Variants in OTC observed in about 807,000 individuals in gnomAD.
OTC encodes ornithine transcarbamylase, mitochondrial.
OTC carries 3 observed loss-of-function variants against 30.3 expected under a neutral mutation model. That is an observed-to-expected ratio of 0.10 (90% CI 0.05 to 0.26). OTC has a LOEUF of 0.26. Ranked by LOEUF, OTC falls within the 10% of genes least tolerant of loss-of-function variation. The pLI, the probability that OTC is intolerant of heterozygous loss-of-function variation, is 1.00. For synonymous variants in OTC, 111 were observed against 99.7 expected, an observed-to-expected ratio of 1.11 and a Z score of -0.67; for missense variants, 194 against 260.3, an observed-to-expected ratio of 0.75 and a Z score of 1.75.
Position 38,369,870 on chromosome X carries a change from A to G in OTC, c.291A>G (p.Thr97=). Residue 97 remains threonine (T), a synonymous_variant, in exon 3 of 10, where the codon ACA becomes ACG. Transcript: ENST00000039007. ...EKRSTRTRLS[T]ETGFALLGGH... ...GAAGTACTCGAACAAGATTGTCTACAGAAACAGGTAAGTCCACTGCCAAAT... is the reference window on the plus strand; with the variant it reads ...GAAGTACTCGAACAAGATTGTCTACGGAAACAGGTAAGTCCACTGCCAAAT... The G allele has an allele frequency of 8.5e-7, 1 of 1,182,662 alleles. No homozygotes were observed. The highest frequency in any genetic ancestry group is 1.2e-6 in the Non-Finnish European group (1 of 868,926).
chrX:38,368,661 G>A (rs1469585570), intron 2 of OTC, among the ~76,000 whole-genome samples: 2 of 102,525 alleles, frequency 2.0e-5, no homozygotes, highest in East Asian at 6.1e-4. Context: ...AGCTTGTTCA[G>A]CCTTTTTAAA....
intron 4 of OTC, among the ~76,000 whole-genome samples, chrX:38,391,451 A>G (rs780212273): frequency 3.6e-5 from 4 of 111,451 alleles, no homozygotes; most frequent in South Asian, 3.8e-4. Context: ...TCTGATATCT[A>G]TGTAGTCTGA....
rs766735977 is a variant in OTC, at chrX:38,401,337, C to T, written c.449C>T (p.Thr150Ile). ...ARVYKQSDLD[T>I]LAKEASIPII... is the part of the protein sequence containing the mutation. ...GTGTATAAACAATCAGATTTGGACA[C>T]CCTGGCTAAAGAAGCATCCATCCCA... The change falls in exon 5 of 10, where the codon ACC becomes ATC. Residue 150 changes from threonine to isoleucine, a missense_variant. Coordinates refer to ENST00000039007, the MANE Select transcript of OTC (RefSeq NM_000531.6). The T allele has an allele frequency of 8.0e-5, 96 of 1,195,319 alleles. No individual in the cohort carries two copies. The highest frequency in any genetic ancestry group is 3.1e-5 in the Non-Finnish European group (27 of 882,127).
At chrX:38,409,084 C>G in intron 8 of OTC, 59 bp downstream of exon 8, 3 of 1,110,696 alleles carry the variant, frequency 2.7e-6, no homozygotes, top group Non-Finnish European at 3.7e-6. Flanking sequence ...CCAGAACCAT[C>G]TAATCACTTA....
chrX:38,359,420 CT>C (rs762895585), intron 1 of OTC, among the ~76,000 whole-genome samples: 79 of 102,093 alleles, frequency 7.7e-4, no homozygotes, highest in Admixed American at 1.4e-3. Flanking sequence ...TAAATTTTGT[CT>C]TTTTTTTTTT....
chrX:38,355,170 G>A (rs935619785), intron 1 of OTC, among the ~76,000 whole-genome samples: 2 of 111,716 alleles, frequency 1.8e-5, no homozygotes, highest in Non-Finnish European at 3.8e-5. Flanking sequence ...TAGCTTAAGT[G>A]AGGCTGAAGC....
intron 3 of OTC, among the ~76,000 whole-genome samples, chrX:38,380,420 C>A (rs1468950535): frequency 1.8e-5 from 2 of 111,951 alleles, no homozygotes; most frequent in Non-Finnish European, 3.8e-5. Flanking sequence ...CTCTATCTTG[C>A]AATTATGTGT....
chrX:38,362,246 T>A (rs992919913), intron 1 of OTC, among the ~76,000 whole-genome samples: 4 of 111,790 alleles, frequency 3.6e-5, no homozygotes, highest in South Asian at 7.4e-4. Context: ...TATGGTGTCG[T>A]GCAGTTCAAA....
At chrX:38,397,906 G>A (rs1410957062) in intron 4 of OTC, among the ~76,000 whole-genome samples, 1 of 111,545 alleles carries the variant, frequency 9.0e-6, no homozygotes, top group Non-Finnish European at 1.9e-5. Context: ...ATGGCATCAG[G>A]ATTTTGTAAA....
intron 1 of OTC, 80 bp downstream of exon 1, chrX:38,352,853 T>A: frequency 1.4e-6 from 1 of 705,135 alleles, no homozygotes; most frequent in Non-Finnish European, 2.3e-6. Flanking sequence ...AAGGCCTCTT[T>A]CTGCAGAATG....
At chrX:38,370,605 T>C (rs2068318609) in intron 3 of OTC, among the ~76,000 whole-genome samples, 1 of 111,548 alleles carries the variant, frequency 9.0e-6, no homozygotes, top group Admixed American at 9.6e-5. Flanking sequence ...CACACGGGGC[T>C]GAAGCCTCAG....
intron 4 of OTC, among the ~76,000 whole-genome samples, chrX:38,394,552 C>T (rs2068444937): frequency 1.8e-5 from 2 of 111,377 alleles, no homozygotes; most frequent in South Asian, 7.7e-4. Flanking sequence ...GTGTCCATCT[C>T]TCCCATTTGC....
In OTC at chrX:38,390,727, G is replaced by A. The variant is rs144233523; in HGVS notation, c.386+9298G>A. On this transcript the variant is annotated intron_variant, in intron 4 of 9. Transcript: ENST00000039007. Reference sequence around the variant, plus strand: ...TTAGGAACAACTGAACTCCTTTTAAGAGCACCAGGATTGCTGTATGATTGT... The same window carrying A: ...TTAGGAACAACTGAACTCCTTTTAAAAGCACCAGGATTGCTGTATGATTGT... Among the ~76,000 whole-genome samples the A allele has an allele frequency of 6.8e-3, 758 of 112,037 alleles. 10 individuals are homozygous for A. Among genetic ancestry groups the A allele is most frequent in the African/African-American group, 0.024 (726 of 30,842 alleles).
chrX:38,399,027 CAG>C (rs1449606382), intron 4 of OTC, among the ~76,000 whole-genome samples: 1 of 111,952 alleles, frequency 8.9e-6, no homozygotes, highest in Non-Finnish European at 1.9e-5. Context: ...ATATTATAGA[CAG>C]AGTCTTCTGT....
chrX:38,392,196 T>A (rs755368329), intron 4 of OTC, among the ~76,000 whole-genome samples: 24 of 112,517 alleles, frequency 2.1e-4, no homozygotes, highest in Middle Eastern at 9.2e-3. Context: ...AACTTTAAAT[T>A]TGAGTAATTT....
chrX:38,389,681 T>C, intron 4 of OTC, among the ~76,000 whole-genome samples: 1 of 110,866 alleles, frequency 9.0e-6, no homozygotes, highest in Middle Eastern at 4.6e-3. Context: ...TGAACAATGA[T>C]ATATTCTCTT....
chrX:38,414,116 G>T lies in OTC; in HGVS notation c.1005+2117G>T, dbSNP rs767257189. Among the ~76,000 whole-genome samples, 6 of 111,605 alleles carry T rather than the reference G, an allele frequency of 5.4e-5. No homozygotes were observed. The East Asian group carries it at 1.7e-3, about 31-fold the overall frequency. ...AGAGACACAGCAAAACATTTTCCTT[G>T]AGCTCTGTTTTTCATCAGAAGACAA... On this transcript the variant is annotated intron_variant, in intron 9 of 9. Coordinates refer to ENST00000039007, the MANE Select transcript of OTC (RefSeq NM_000531.6).
At chrX:38,328,512 C>G in the OTC span, among the ~76,000 whole-genome samples, 5 of 111,741 alleles carry the variant, frequency 4.5e-5, no homozygotes, top group African/African-American at 1.6e-4. Flanking sequence ...GAAAGATAAG[C>G]CAGGAGGGGG....
At chrX:38,358,543 T>C (rs1165244218) in intron 1 of OTC, among the ~76,000 whole-genome samples, 2 of 110,813 alleles carry the variant, frequency 1.8e-5, no homozygotes, top group Admixed American at 1.9e-4. Flanking sequence ...CTGGATGGAA[T>C]TGAGAAAGGT....
Sources: allele counts gnomAD v4.1 joint callset (sites outside exome capture counted in the v4.1 genomes callset), GRCh38; gene constraint gnomAD v4.1.1; transcripts MANE v1.5; gene names NCBI Gene and HGNC (gene_info 2026-07-23, HGNC 2026-07-21).